Variants in SLC38A4 observed in about 807,000 individuals in gnomAD.
SLC38A4 encodes the protein sodium-coupled neutral amino acid transporter 4.
Under a neutral mutation model 63.1 loss-of-function variants are expected in SLC38A4, and 20 were observed. That is an observed-to-expected ratio of 0.32 (90% CI 0.22 to 0.46). The LOEUF (loss-of-function observed/expected upper bound fraction) is 0.46. Ranked by LOEUF, SLC38A4 falls within the 20% of genes least tolerant of loss-of-function variation. The pLI is 1.00. For missense variants in SLC38A4, 526 were observed against 663.6 expected, an observed-to-expected ratio of 0.79 and a Z score of 2.28; for synonymous variants, 230 against 225.5, an observed-to-expected ratio of 1.02 and a Z score of -0.18.
At chr12:46,816,396 T>C (rs1939442616) in intron 1 of SLC38A4, among the ~76,000 whole-genome samples, 2 of 152,044 alleles carry the variant, frequency 1.3e-5, no homozygotes, top group South Asian at 4.1e-4. Flanking sequence ...AATACATAAA[T>C]ATAATGTCTT....
chr12:46,793,473 T>A (rs906056211), intron 2 of SLC38A4, among the ~76,000 whole-genome samples: 4 of 152,066 alleles, frequency 2.6e-5, no homozygotes, highest in Admixed American at 1.3e-4. Context: ...AAAAGAAATC[T>A]TAAGACATGG....
At chr12:46,772,503 GACA>G (rs1404891836) in intron 14 of SLC38A4, among the ~76,000 whole-genome samples, 1 of 152,014 alleles carries the variant, frequency 6.6e-6, no homozygotes, top group African/African-American at 2.4e-5. Flanking sequence ...AGCTGAAAAT[GACA>G]TGATCAGTCC....
intron 1 of SLC38A4, among the ~76,000 whole-genome samples, chr12:46,820,184 T>C (rs371383901): frequency 1.3e-3 from 205 of 152,098 alleles, no homozygotes; most frequent in African/African-American, 4.4e-3. Context: ...TGTTTAGTTT[T>C]GTTTGAGATA....
intron 1 of SLC38A4, among the ~76,000 whole-genome samples, chr12:46,804,808 G>A (rs935939184): frequency 3.3e-5 from 5 of 151,830 alleles, no homozygotes; most frequent in Admixed American, 6.6e-5. Context: ...TTTATCAGAC[G>A]AGAAGTATTG....
intron 4 of SLC38A4, 143 bp downstream of exon 4, chr12:46,788,385 C>G (rs557994891): frequency 1.5e-6 from 1 of 661,400 alleles, no homozygotes; most frequent in Non-Finnish European, 2.6e-6. Flanking sequence ...AAAACAAGCC[C>G]TTATTCCAGT....
Position 46,776,959 on chromosome 12 carries a change from C to A in SLC38A4, c.1119G>T (p.Thr373=), listed in dbSNP as rs756151783. 1 of 1,611,864 alleles carries A rather than the reference C, an allele frequency of 6.2e-7. No homozygotes were observed. ...CAAGCAGGTACATGACAAGCATCCC[C>A]GTGATGGAAATATTTGACACCGTTT... ...KMQTVSNISI[T]GMLVMYLLAA... Residue 373 remains threonine, a synonymous_variant, in exon 13 of 17, where the codon ACG becomes ACT. Coordinates refer to ENST00000266579, the MANE Select transcript of SLC38A4 (RefSeq NM_018018.5).
chr12:46,813,030 A>G (rs1939370881), intron 1 of SLC38A4, among the ~76,000 whole-genome samples: 1 of 151,748 alleles, frequency 6.6e-6, no homozygotes, highest in Admixed American at 6.6e-5. Context: ...TCAGTGAGTA[A>G]TCTTTGAATA....
chr12:46,815,753 G>T (rs1939430596), intron 1 of SLC38A4, among the ~76,000 whole-genome samples: 1 of 151,866 alleles, frequency 6.6e-6, no homozygotes. Flanking sequence ...CTAAAAATCA[G>T]ATGACAAATT....
At chr12:46,819,494 G>T (rs1939501073) in intron 1 of SLC38A4, among the ~76,000 whole-genome samples, 1 of 151,820 alleles carries the variant, frequency 6.6e-6, no homozygotes, top group African/African-American at 2.4e-5. Flanking sequence ...GAAAATAAAT[G>T]TTGGTTATAT....
chr12:46,800,921 G>GA (rs752383987), intron 2 of SLC38A4, among the ~76,000 whole-genome samples: 5 of 152,222 alleles, frequency 3.3e-5, no homozygotes, highest in Admixed American at 6.5e-5. Context: ...ATTGTCAGGA[G>GA]AAAAAATCGC....
At chr12:46,816,063 A>T (rs1484307779) in intron 1 of SLC38A4, among the ~76,000 whole-genome samples, 1 of 151,978 alleles carries the variant, frequency 6.6e-6, no homozygotes, top group Non-Finnish European at 1.5e-5. Context: ...TGGACTTGCC[A>T]TAGCAATGTC....
rs763698118 is a variant in SLC38A4, at chr12:46,769,388, G to A, written c.1340C>T (p.Pro447Leu). 1 of 1,613,418 alleles carries A rather than the reference G, an allele frequency of 6.2e-7. No homozygotes were observed. Among genetic ancestry groups the A allele is most frequent in the Non-Finnish European group, 8.5e-7 (1 of 1,179,530 alleles). The change falls in exon 15 of 17, where the codon CCC becomes CTC. Residue 447 changes from proline (P) to leucine (L), a missense_variant. Pro to Leu is a moderately conservative substitution (Grantham distance 98). Coordinates refer to ENST00000266579, the MANE Select transcript of SLC38A4 (RefSeq NM_018018.5). ...SVITLLFPKR[P>L]FSWIRHFLIA... ...CAGGAAATGTCGTATCCAGCTGAAG[G>A]GTCGTTTGGGAAATAACAGTGTGAT...
intron 1 of SLC38A4, among the ~76,000 whole-genome samples, chr12:46,818,875 T>C (rs989813916): frequency 6.6e-6 from 1 of 151,890 alleles, no homozygotes; most frequent in Non-Finnish European, 1.5e-5. Flanking sequence ...TTTTGAAACC[T>C]GATTGAAAGG....
intron 13 of SLC38A4, among the ~76,000 whole-genome samples, chr12:46,775,873 G>A (rs905222106): frequency 2.0e-5 from 3 of 151,922 alleles, no homozygotes; most frequent in South Asian, 2.1e-4. Flanking sequence ...GGAATCAAGC[G>A]TAGTTGGATT....
chr12:46,806,873 C>T (rs926974766), intron 1 of SLC38A4, among the ~76,000 whole-genome samples: 2 of 151,782 alleles, frequency 1.3e-5, no homozygotes, highest in Non-Finnish European at 2.9e-5. Context: ...TATACCTGTA[C>T]ATTGAGTAAG....
chr12:46,795,859 T>A lies in SLC38A4; in HGVS notation c.-112-2676A>T, dbSNP rs565773917. On this transcript the variant is annotated intron_variant, in intron 2 of 16. Transcript: ENST00000266579. Reference sequence around the variant, plus strand: ...CAGAATTTTTATCCTTATCCTTTCATCACGACGTGACTAGATGTGAGTCGC... The same window carrying A: ...CAGAATTTTTATCCTTATCCTTTCAACACGACGTGACTAGATGTGAGTCGC... Among the ~76,000 whole-genome samples, 201 of 152,234 alleles carry A rather than the reference T, an allele frequency of 1.3e-3. 1 individual carries two copies. The highest frequency in any genetic ancestry group is 6.8e-3 in the Middle Eastern group (2 of 294).
At chr12:46,784,681 A>G (rs532541318) in intron 6 of SLC38A4, 47 bp from the exon 7 acceptor site, 11 of 1,444,652 alleles carry the variant, frequency 7.6e-6, no homozygotes, top group Non-Finnish European at 9.6e-6. Flanking sequence ...TGTTTTAATG[A>G]CTAAAATATT....
In SLC38A4 at chr12:46,811,094, A is replaced by T. The variant is rs1358366153; in HGVS notation, c.-304-7300T>A. 2.6e-5 allele frequency among the ~76,000 whole-genome samples: 4 copies of T among 152,078 alleles called. No individual in the cohort carries two copies. In the East Asian group the frequency reaches 7.7e-4, roughly 29 times the overall value. ...TGAGATAATCAGTTTCTATTATGGCAGAATAAAGAATCATCTCATTCATTC... is the reference window on the plus strand; with the variant it reads ...TGAGATAATCAGTTTCTATTATGGCTGAATAAAGAATCATCTCATTCATTC... On this transcript the variant is annotated intron_variant, in intron 1 of 16. Transcript: ENST00000266579.
At position 46,769,371 on chromosome 12, in the gene SLC38A4, G is replaced by A. The variant is rs1461248259; in HGVS notation, c.1357C>T (p.His453Tyr). ...ATAAGCACAGCTGCAATCAGGAAAT[G>A]TCGTATCCAGCTGAAGGGTCGTTTG... ...FPKRPFSWIR[H>Y]FLIAAVLIAL... is the part of the protein sequence containing the mutation. Residue 453 changes from histidine (H) to tyrosine (Y), a missense_variant, in exon 15 of 17, where the codon CAT becomes TAT. By Grantham distance (83) the His-to-Tyr change is moderately conservative. Coordinates refer to ENST00000266579, the MANE Select transcript of SLC38A4 (RefSeq NM_018018.5). 2 of 1,613,454 alleles carry A rather than the reference G, an allele frequency of 1.2e-6. No individual in the cohort carries two copies. Among genetic ancestry groups the A allele is most frequent in the South Asian group, 2.2e-5 (2 of 91,054 alleles).
Sources: gnomAD v4.1 joint callset for allele counts (sites outside exome capture counted in the v4.1 genomes callset) on GRCh38, gnomAD v4.1.1 for gene constraint, MANE v1.5 for transcripts, NCBI Gene and HGNC (gene_info 2026-07-23, HGNC 2026-07-21) for gene names.